TEX15: variants seen among roughly 807,000 people sequenced by gnomAD.
TEX15 encodes the protein testis expressed 15, meiosis and synapsis associated.
TEX15 carries 171 observed loss-of-function variants against 237.3 expected under a neutral mutation model. The ratio of observed to expected loss-of-function variants is 0.72; its 90% CI spans 0.64 to 0.82. TEX15 has a LOEUF of 0.82. Among genes scored for constraint, TEX15 ranks in the 40% least tolerant of loss-of-function variants. TEX15 has a pLI of 0.00. For synonymous variants in TEX15, 1,338 were observed against 1,269.8 expected (o/e 1.05, Z -1.14); for missense variants, 3,750 against 3,646.5 (o/e 1.03, Z -0.73).
chr8:30,845,862 C>T lies in TEX15; in HGVS notation c.4305G>A (p.Val1435=). 6.2e-7 allele frequency: 1 copy of T among 1,611,866 alleles called. No individual in the cohort carries two copies. Among genetic ancestry groups the T allele is most frequent in the Non-Finnish European group, 8.5e-7 (1 of 1,179,332 alleles). Residue 1435 remains valine, a synonymous_variant, in exon 8 of 11, where the codon GTG becomes GTA. Transcript: ENST00000643185. Reference sequence around the variant, plus strand: ...TAGTAGAATAATATTTTCTTTGAGACACAGAACTATAACCTTGAAGGTCAC... The same window carrying T: ...TAGTAGAATAATATTTTCTTTGAGATACAGAACTATAACCTTGAAGGTCAC... ...ESCDLQGYSS[V]SQRKYYSTKH... is the part of the protein sequence containing the mutation.
intron 2 of TEX15, chr8:30,888,701 C>T: frequency 8.0e-7 from 1 of 1,251,302 alleles, no homozygotes; most frequent in Non-Finnish European, 1.0e-6. Context: ...CATTAGATCA[C>T]AATCCAAATT....
chr8:30,870,155 T>C (rs1370438921), intron 4 of TEX15, among the ~76,000 whole-genome samples: 1 of 152,048 alleles, frequency 6.6e-6, no homozygotes. Context: ...ACTTTTTAAC[T>C]AATATTTTAT....
At chr8:30,877,595 T>C (rs1254527320) in intron 3 of TEX15, among the ~76,000 whole-genome samples, 1 of 152,160 alleles carries the variant, frequency 6.6e-6, no homozygotes, top group Non-Finnish European at 1.5e-5. Context: ...TCATAACATA[T>C]GATGTAGAAA....
intron 4 of TEX15, among the ~76,000 whole-genome samples, chr8:30,870,210 T>C (rs1299417014): frequency 6.6e-6 from 1 of 152,012 alleles, no homozygotes; most frequent in Non-Finnish European, 1.5e-5. Context: ...AGAAAACTCA[T>C]ATAATAGAGA....
At chr8:30,879,945 A>C (rs1585304993) in intron 3 of TEX15, among the ~76,000 whole-genome samples, 1 of 152,178 alleles carries the variant, frequency 6.6e-6, no homozygotes, top group East Asian at 1.9e-4. Flanking sequence ...TTTTAAAAAA[A>C]AAAATCAGTA....
chr8:30,843,867 T>G lies in TEX15; in HGVS notation c.6300A>C (p.Arg2100=). 1 of 1,612,580 alleles carries G rather than the reference T, an allele frequency of 6.2e-7. No homozygotes were observed. Among genetic ancestry groups the G allele is most frequent in the Non-Finnish European group, 8.5e-7 (1 of 1,179,396 alleles). ...GTGTTTCATCATACCAAAGCAAGCT[T>G]CGCAATGTTGGTTCACCTTCTAAGT... The part of the protein sequence containing the change: ...KRHLEGEPTL[R]SLLWYDETLY... Residue 2100 remains arginine (R), a synonymous_variant, in exon 8 of 11, where the codon CGA becomes CGC. Coordinates refer to ENST00000643185, the MANE Select transcript of TEX15 (RefSeq NM_001350162.2).
chr8:30,864,615 C>T (rs1430020824), intron 5 of TEX15, among the ~76,000 whole-genome samples: 1 of 125,420 alleles, frequency 8.0e-6, no homozygotes, highest in Non-Finnish European at 1.6e-5. Context: ...ATTTCCCAGA[C>T]CAGAAAAAAA....
chr8:30,909,394 A>ACCC (rs35046956), intron 1 of TEX15, among the ~76,000 whole-genome samples: 6,372 of 117,686 alleles, frequency 0.054, 269 homozygotes, highest in African/African-American at 0.11. Flanking sequence ...TTAAAGACAG[A>ACCC]CCCCCCCCCG....
chr8:30,844,534 T>C lies in TEX15; in HGVS notation c.5633A>G (p.Gln1878Arg), dbSNP rs765898599. 5.3e-5 allele frequency: 86 copies of C among 1,612,434 alleles called. No individual in the cohort carries two copies. The highest frequency in any genetic ancestry group is 1.6e-4 in the Middle Eastern group (1 of 6,076). ...ATTTAAGCAGGATTCTTCTGAGATC[T>C]GATTCTTTTGATTTTTGTACTCAGT... ...VNTEYKNQKNQISEESCLNEK... is the reference protein window; with the variant it reads ...VNTEYKNQKNRISEESCLNEK... The change falls in exon 8 of 11, where the codon CAG (glutamine) becomes CGG (arginine). Residue 1878 changes from glutamine to arginine, a missense_variant. Transcript: ENST00000643185.
At position 30,849,043 on chromosome 8, in the gene TEX15, A is replaced by G; in HGVS notation, c.1124T>C (p.Leu375Pro). The change falls in exon 8 of 11, where the codon CTT (leucine) becomes CCT (proline). Residue 375 changes from leucine (L) to proline (P), a missense_variant. Physicochemically the swap from Leu to Pro is moderately conservative, Grantham distance 98. Transcript: ENST00000643185. ...LAEIRDTSQV[L>P]AHDSDISLMP... Reference sequence around the variant, plus strand: ...AAGTGAAATGTCTGAATCATGTGCAAGTACTTGAGAAGTGTCTCTAATTTC... The same window carrying G: ...AAGTGAAATGTCTGAATCATGTGCAGGTACTTGAGAAGTGTCTCTAATTTC... 6.2e-7 allele frequency: 1 copy of G among 1,614,150 alleles called. No individual in the cohort carries two copies. Among genetic ancestry groups the G allele is most frequent in the Non-Finnish European group, 8.5e-7 (1 of 1,180,012 alleles).
intron 10 of TEX15, among the ~76,000 whole-genome samples, chr8:30,834,695 G>A (rs945297973): frequency 2.6e-5 from 4 of 152,296 alleles, no homozygotes; most frequent in South Asian, 2.1e-4. Flanking sequence ...GTTGTTCAAC[G>A]TGGCTTGAAT....
chr8:30,856,480 G>T (rs1020219085), intron 7 of TEX15, among the ~76,000 whole-genome samples: 1 of 152,030 alleles, frequency 6.6e-6, no homozygotes, highest in African/African-American at 2.4e-5. Flanking sequence ...CTTGAGCTTG[G>T]GAGGCGGAGG....
Position 30,844,750 on chromosome 8 carries a change from C to A in TEX15, c.5417G>T (p.Gly1806Val). Residue 1806 changes from glycine to valine, a missense_variant, in exon 8 of 11, where the codon GGG (glycine) becomes GTG (valine). By Grantham distance (109) the Gly-to-Val change is moderately radical. Coordinates refer to ENST00000643185, the MANE Select transcript of TEX15 (RefSeq NM_001350162.2). Reference sequence around the variant, plus strand: ...GGAAGATAATTCCACTATATTTTCCCCATAACTTTTATCTTCTTCAGTTCC... The same window carrying A: ...GGAAGATAATTCCACTATATTTTCCACATAACTTTTATCTTCTTCAGTTCC... ...ASGTEEDKSYGENIVELSSSD... is the reference protein window; with the variant it reads ...ASGTEEDKSYVENIVELSSSD... 1 of 1,613,170 alleles carries A rather than the reference C, an allele frequency of 6.2e-7. No homozygotes were observed. Among genetic ancestry groups the A allele is most frequent in the Non-Finnish European group, 8.5e-7 (1 of 1,179,530 alleles).
At position 30,843,516 on chromosome 8, in the gene TEX15, C is replaced by A; in HGVS notation, c.6651G>T (p.Lys2217Asn). 1 of 1,613,050 alleles carries A rather than the reference C, an allele frequency of 6.2e-7. No homozygotes were observed. Among genetic ancestry groups the A allele is most frequent in the Non-Finnish European group, 8.5e-7 (1 of 1,179,626 alleles). The change falls in exon 8 of 11, where the codon AAG (lysine) becomes AAT (asparagine). Residue 2217 changes from lysine (K) to asparagine (N), a missense_variant. Lys to Asn is a moderately conservative substitution (Grantham distance 94). Transcript: ENST00000643185. ...DLEILRKSTLKLINVCGDSPK... is the reference protein window; with the variant it reads ...DLEILRKSTLNLINVCGDSPK... ...GAGAGTCCCCACATACATTGATCAA[C>A]TTTAAAGTACTTTTTCTTAAGATTT...
rs1267050337 is a variant in TEX15 at position 30,842,364 on chromosome 8, G to A, written c.7803C>T (p.Ala2601=). ...FSTLLKNVMS[A]PRKDLGKMAH... is the part of the protein sequence containing the mutation. The stretch of plus-strand genomic sequence containing the variant: ...CCATTTTTCCTAAATCTTTCCTAGG[G>A]GCAGACATTACATTCTTCAGCAGTG... The change falls in exon 8 of 11, where the codon GCC becomes GCT. Residue 2601 remains alanine, a synonymous_variant. Coordinates refer to ENST00000643185, the MANE Select transcript of TEX15 (RefSeq NM_001350162.2). 6.2e-6 allele frequency: 10 copies of A among 1,613,590 alleles called. No homozygotes were observed. In the East Asian group the frequency reaches 1.3e-4, roughly 22 times the overall value.
At position 30,848,891 on chromosome 8, in the gene TEX15, T is replaced by C. The variant is rs1415471379; in HGVS notation, c.1276A>G (p.Thr426Ala). 1.9e-6 allele frequency: 3 copies of C among 1,614,088 alleles called. No homozygotes were observed. Among genetic ancestry groups the C allele is most frequent in the Non-Finnish European group, 2.5e-6 (3 of 1,180,042 alleles). The change falls in exon 8 of 11, where the codon ACT (threonine) becomes GCT (alanine). Residue 426 changes from threonine (T) to alanine (A), a missense_variant. Physicochemically the swap from Thr to Ala is moderately conservative, Grantham distance 58 (BLOSUM62 0). Transcript: ENST00000643185. ...LHNNTGSSTV[T>A]TSKSIKDPRL... Reference sequence around the variant, plus strand: ...GGGTCTTTGATGGATTTTGAAGTAGTGACTGTGCTTGAGCCAGTATTGTTG... The same window carrying C: ...GGGTCTTTGATGGATTTTGAAGTAGCGACTGTGCTTGAGCCAGTATTGTTG...
chr8:30,895,675 G>GCTTTTT (rs1808888943), intron 2 of TEX15, among the ~76,000 whole-genome samples: 1 of 76,970 alleles, frequency 1.3e-5, no homozygotes. Context: ...TTAAACACAT[G>GCTTTTT]CTTTTTTTTT....
In TEX15 at chr8:30,837,504, G is replaced by C. The variant is rs1807335332; in HGVS notation, c.8780C>G (p.Ser2927Cys). ...ELQDNDIVNS[S>C]IKNSSCMTSP... ...AGTCATGCATGAGGAATTTTTAATA[G>C]ATGAATTTACTATATCATTATCTTG... The change falls in exon 10 of 11, where the codon TCT (serine) becomes TGT (cysteine). Residue 2927 changes from serine (S) to cysteine (C), a missense_variant. Coordinates refer to ENST00000643185, the MANE Select transcript of TEX15 (RefSeq NM_001350162.2). 6.2e-7 allele frequency: 1 copy of C among 1,612,886 alleles called. No homozygotes were observed. Among genetic ancestry groups the C allele is most frequent in the Non-Finnish European group, 8.5e-7 (1 of 1,179,036 alleles).
At chr8:30,852,756 T>C (rs1427207936) in intron 7 of TEX15, among the ~76,000 whole-genome samples, 5 of 152,078 alleles carry the variant, frequency 3.3e-5, no homozygotes, top group Middle Eastern at 3.2e-3. Context: ...ACATCTTCAA[T>C]GCAATACGGA....
Sources: allele counts gnomAD v4.1 joint callset (sites outside exome capture counted in the v4.1 genomes callset), GRCh38; gene constraint gnomAD v4.1.1; transcripts MANE v1.5; gene names NCBI Gene and HGNC (gene_info 2026-07-23, HGNC 2026-07-21).